Variants in SP100 observed in about 807,000 individuals in gnomAD.
SP100 encodes nuclear autoantigen Sp-100.
SP100 carries 84 observed loss-of-function variants against 130.0 expected under a neutral mutation model. The observed-to-expected ratio is 0.65, with a 90% CI of 0.54 to 0.77. The LOEUF (loss-of-function observed/expected upper bound fraction) is 0.77. Ranked by LOEUF, SP100 falls within the 30% of genes least tolerant of loss-of-function variation. The probability of loss-of-function intolerance (pLI) is 0.00; values close to 1 mark genes in which losing one functional copy is unlikely to be tolerated. For synonymous variants in SP100, 331 were observed against 351.7 expected (o/e 0.94, Z 0.66); for missense variants, 978 against 1,052.2 (o/e 0.93, Z 0.97).
chr2:230,417,611 C>T lies in SP100; in HGVS notation c.53C>T (p.Ser18Leu), dbSNP rs1172807754. ...LSTRRLNECI[S>L]PVANEMNHLP... ...TCTAGGAGGCTGAATGAATGTATTT[C>T]ACCAGTAGCAAATGAGATGAACCAT... The change falls in exon 2 of 29, where the codon TCA becomes TTA. Residue 18 changes from serine to leucine, a missense_variant. Coordinates refer to ENST00000340126, the MANE Select transcript of SP100 (RefSeq NM_001080391.2). 1.2e-6 allele frequency: 2 copies of T among 1,612,838 alleles called. No individual in the cohort carries two copies. The highest frequency in any genetic ancestry group is 4.5e-5 in the East Asian group (2 of 44,810).
intron 2 of SP100, among the ~76,000 whole-genome samples, chr2:230,436,957 C>CACACAAGTGTAT (rs2063307234): frequency 3.0e-5 from 4 of 133,804 alleles, no homozygotes; most frequent in African/African-American, 8.3e-5. Context: ...TATGTGTATA[C>CACACAAGTGTAT]ACACACATAT....
intron 24 of SP100, chr2:230,538,078 T>C (rs1164798800): frequency 1.3e-5 from 2 of 152,182 alleles, no homozygotes; most frequent in Non-Finnish European, 2.9e-5. Flanking sequence ...ATTTAAGACA[T>C]ACTGATGCCT....
intron 2 of SP100, among the ~76,000 whole-genome samples, chr2:230,436,596 C>T (rs1405848167): frequency 1.3e-5 from 2 of 152,144 alleles, no homozygotes; most frequent in East Asian, 3.9e-4. Context: ...GCCTATCCAG[C>T]CACACTGAAC....
At chr2:230,523,879 A>G (rs1480377564) in intron 24 of SP100, among the ~76,000 whole-genome samples, 3 of 152,096 alleles carry the variant, frequency 2.0e-5, no homozygotes, top group African/African-American at 7.2e-5. Flanking sequence ...ATTGCACTGT[A>G]GCCTAAGTGA....
chr2:230,420,321 T>TGTAA (rs2062732041), intron 2 of SP100, among the ~76,000 whole-genome samples: 1 of 152,228 alleles, frequency 6.6e-6, no homozygotes. Flanking sequence ...TCTTCAAAGA[T>TGTAA]AGTAGCAGCT....
At chr2:230,456,079 G>T (rs1427114308) in intron 8 of SP100, among the ~76,000 whole-genome samples, 1 of 152,094 alleles carries the variant, frequency 6.6e-6, no homozygotes, top group African/African-American at 2.4e-5. Flanking sequence ...AGCATTTCTT[G>T]TAAGACAGGT....
intron 18 of SP100, among the ~76,000 whole-genome samples, chr2:230,495,105 G>A (rs1255483194): frequency 1.3e-5 from 2 of 152,166 alleles, no homozygotes; most frequent in African/African-American, 2.4e-5. Flanking sequence ...GACAGGAGCT[G>A]GAAGCTGAGA....
intron 15 of SP100, chr2:230,470,474 T>G (rs1279181682): frequency 2.1e-6 from 2 of 943,130 alleles, no homozygotes; most frequent in East Asian, 2.2e-4. Flanking sequence ...AAAAGACAAC[T>G]GTTCCTACTA....
chr2:230,528,185 C>T lies in SP100; in HGVS notation c.2095-11082C>T, dbSNP rs368220240. On this transcript the variant is annotated intron_variant, in intron 24 of 28. Transcript: ENST00000340126. ...AGTGACCACGTAATTTGTAGTAAAA[C>T]GCTCCTCAGCAAATGTAAAAGAATA... Among the ~76,000 whole-genome samples the T allele has an allele frequency of 9.2e-5, 14 of 152,302 alleles. No homozygotes were observed. In the South Asian group the frequency reaches 2.9e-3, roughly 32 times the overall value.
chr2:230,460,725 G>A (rs1420072747), intron 8 of SP100, among the ~76,000 whole-genome samples: 1 of 61,490 alleles, frequency 1.6e-5, no homozygotes, highest in Non-Finnish European at 3.0e-5. Context: ...CCGGGTTCAC[G>A]CCATTCTCCT....
At chr2:230,468,784 CT>C (rs2065096113) in intron 13 of SP100, 2 of 259,240 alleles carry the variant, frequency 7.7e-6, no homozygotes, top group African/African-American at 4.8e-5. Flanking sequence ...CACCACTGCC[CT>C]CCAGCTTGGC....
intron 23 of SP100, 91 bp downstream of exon 23, chr2:230,508,122 C>G (rs1378041074): frequency 8.4e-6 from 13 of 1,546,184 alleles, no homozygotes; most frequent in Middle Eastern, 3.4e-4. Context: ...ATTGACCCAT[C>G]ATCATAAAAT....
rs535143525 is a variant in SP100 at position 230,442,946 on chromosome 2, G to A, written c.117G>A (p.Thr39=). ...AHSHDLQRMF[T]EDQGVDDRLL... ...TGTCCTTTTTCCCTAGGATGTTCAC[G>A]GAAGACCAGGGTGTAGATGACAGGC... Residue 39 remains threonine (T), a synonymous_variant, in exon 3 of 29, where the codon ACG becomes ACA. Transcript: ENST00000340126. 114 of 1,613,188 alleles carry A rather than the reference G, an allele frequency of 7.1e-5. No homozygotes were observed. The East Asian group carries it at 9.6e-4, about 14-fold the overall frequency.
At chr2:230,503,719 C>T (rs2067166874) in intron 20 of SP100, among the ~76,000 whole-genome samples, 2 of 152,196 alleles carry the variant, frequency 1.3e-5, no homozygotes, top group African/African-American at 4.8e-5. Flanking sequence ...TGAAGCAAAG[C>T]AGTTGGCAAA....
intron 14 of SP100, chr2:230,469,447 G>A: frequency 2.1e-6 from 1 of 475,102 alleles, no homozygotes; most frequent in Non-Finnish European, 4.2e-6. Context: ...TGAGATGGAA[G>A]CAGAAGTATG....
In SP100 at chr2:230,512,067, A is replaced by G. The variant is rs757418532; in HGVS notation, c.2094+901A>G. ...TTTGTTGTAGAGCCAGGGTCTCACT[A>G]TGTTGCCCAGGCTTGTCTTGAACTC... On this transcript the variant is annotated intron_variant, in intron 24 of 28. Coordinates refer to ENST00000340126, the MANE Select transcript of SP100 (RefSeq NM_001080391.2). Among the ~76,000 whole-genome samples, 21 of 151,896 alleles carry G rather than the reference A, an allele frequency of 1.4e-4. No individual in the cohort carries two copies. In the Middle Eastern group the frequency reaches 0.014, roughly 98 times the overall value.
At chr2:230,532,040 T>G (rs1286533885) in intron 24 of SP100, among the ~76,000 whole-genome samples, 1 of 152,182 alleles carries the variant, frequency 6.6e-6, no homozygotes, top group Non-Finnish European at 1.5e-5. Flanking sequence ...GTTCTATGAA[T>G]AGTCATTTTG....
chr2:230,526,136 G>A (rs1489271453), intron 24 of SP100, among the ~76,000 whole-genome samples: 2 of 152,194 alleles, frequency 1.3e-5, no homozygotes, highest in Non-Finnish European at 2.9e-5. Context: ...TAGCCTGACT[G>A]GGAAACCCCT....
At chr2:230,420,592 G>A (rs1199440022) in intron 2 of SP100, among the ~76,000 whole-genome samples, 1 of 151,984 alleles carries the variant, frequency 6.6e-6, no homozygotes, top group East Asian at 1.9e-4. Flanking sequence ...ATTTTAATCA[G>A]GCCTGTGTAT....
Sources: gnomAD v4.1 joint callset for allele counts (sites outside exome capture counted in the v4.1 genomes callset) on GRCh38, gnomAD v4.1.1 for gene constraint, MANE v1.5 for transcripts, NCBI Gene and HGNC (gene_info 2026-07-23, HGNC 2026-07-21) for gene names.